DNAH9: variants seen among roughly 807,000 people sequenced by gnomAD.
DNAH9 encodes DNAH9 variant protein.
DNAH9 carries 345 observed loss-of-function variants against 471.6 expected under a neutral mutation model. The ratio of observed to expected loss-of-function variants is 0.73; its 90% confidence interval spans 0.67 to 0.80. DNAH9 has a LOEUF of 0.80. Ranked by LOEUF, DNAH9 falls within the 30% of genes least tolerant of loss-of-function variation. The pLI, the probability that DNAH9 is intolerant of heterozygous loss-of-function variation, is 0.00. For missense variants in DNAH9, 5,407 were observed against 5,609.2 expected (o/e 0.96, Z 1.15); for synonymous variants, 2,093 against 2,123.6 (o/e 0.99, Z 0.40).
chr17:11,937,299 G>A lies in DNAH9; in HGVS notation c.12490-53G>A, dbSNP rs72815452. The A allele has an allele frequency of 0.093, 144,437 of 1,554,154 alleles. 7,275 individuals carry two copies. The highest frequency in any genetic ancestry group is 0.11 in the East Asian group (4,924 of 44,256). ...CTGCAGAGGACAAGCCGGTGTGGGA[G>A]ATGGGAGGTACGTCCTGGTTTCTTT... On this transcript the variant is annotated intron_variant, in intron 65 of 68. Coordinates refer to ENST00000262442, the MANE Select transcript of DNAH9 (RefSeq NM_001372.4). This position sits in a 1 kb window ranked among gnomAD's most constrained non-coding sequence, Gnocchi z 4.1.
intron 58 of DNAH9, 23 bp downstream of exon 58, chr17:11,891,970 T>A: frequency 6.2e-7 from 1 of 1,608,150 alleles, no homozygotes; most frequent in Non-Finnish European, 8.5e-7. Flanking sequence ...TGAAGAAGTT[T>A]CCAGAAAACA....
At chr17:11,886,496 T>C (rs1414481150) in intron 56 of DNAH9, among the ~76,000 whole-genome samples, 1 of 151,442 alleles carries the variant, frequency 6.6e-6, no homozygotes, top group East Asian at 1.9e-4. Context: ...TAGTTCATTT[T>C]TGAGTCATAC....
rs542930191 is a variant in DNAH9 at position 11,905,769 on chromosome 17, G to C, written c.11709G>C (p.Leu3903=). The change falls in exon 61 of 69, where the codon CTG becomes CTC. Residue 3903 remains leucine, a synonymous_variant. Transcript: ENST00000262442. The part of the protein sequence containing the change: ...SGPATPMFFI[L]SPGVDPLKDV... ...CAGCCACTCCTATGTTTTTCATCCT[G>C]TCTCCAGGGGTGGACCCACTGAAGG... 1 of 1,613,946 alleles carries C rather than the reference G, an allele frequency of 6.2e-7. No individual in the cohort carries two copies. The highest frequency in any genetic ancestry group is 2.2e-5 in the East Asian group (1 of 44,866).
chr17:11,655,622 C>G (rs2073625968), intron 14 of DNAH9, among the ~76,000 whole-genome samples: 1 of 150,842 alleles, frequency 6.6e-6, no homozygotes, highest in African/African-American at 2.4e-5. Flanking sequence ...TATATACACA[C>G]ACACACACAC....
intron 65 of DNAH9, among the ~76,000 whole-genome samples, chr17:11,934,695 G>A (rs887652263): frequency 9.2e-5 from 14 of 151,998 alleles, no homozygotes; most frequent in East Asian, 3.9e-4. Context: ...CTCGTGATCC[G>A]CCCACCTGGG....
chr17:11,650,300 T>C (rs1353785860), intron 12 of DNAH9, among the ~76,000 whole-genome samples: 1 of 152,144 alleles, frequency 6.6e-6, no homozygotes, highest in East Asian at 1.9e-4. Flanking sequence ...CTTGTACCTA[T>C]GCCCATCAGT....
Position 11,699,206 on chromosome 17 carries a change from G to A in DNAH9, c.4873-525G>A, listed in dbSNP as rs537352629. Reference sequence around the variant, plus strand: ...GGAGGTTGCAGTGAGCCAAGATTGCGCCACTGCACTCCAGCCTGGGCGACA... The same window carrying A: ...GGAGGTTGCAGTGAGCCAAGATTGCACCACTGCACTCCAGCCTGGGCGACA... On this transcript the variant is annotated intron_variant, in intron 22 of 68. Coordinates refer to ENST00000262442, the MANE Select transcript of DNAH9 (RefSeq NM_001372.4). 3.3e-5 allele frequency among the ~76,000 whole-genome samples: 5 copies of A among 152,136 alleles called. No individual in the cohort carries two copies. The East Asian group carries it at 7.8e-4, about 24-fold the overall frequency.
intron 61 of DNAH9, among the ~76,000 whole-genome samples, chr17:11,907,199 G>C (rs1253834084): frequency 6.6e-6 from 1 of 152,064 alleles, no homozygotes; most frequent in Admixed American, 6.6e-5. Flanking sequence ...GGCCGGGCAC[G>C]GTGGCTCACG....
intron 8 of DNAH9, among the ~76,000 whole-genome samples, chr17:11,634,348 T>G (rs1051756170): frequency 1.3e-5 from 2 of 152,126 alleles, no homozygotes; most frequent in South Asian, 4.1e-4. Flanking sequence ...AGAAGAACAT[T>G]TTCAAGGCTG....
At position 11,898,856 on chromosome 17, in the gene DNAH9, A is replaced by C. The variant is rs80015156; in HGVS notation, c.11407-3863A>C. ...CAAAAGCTACGTACAATTTAGTTTC[A>C]TTCCTCTTTTCACGAAATGGATTGT... On this transcript the variant is annotated intron_variant, in intron 59 of 68. Coordinates refer to ENST00000262442, the MANE Select transcript of DNAH9 (RefSeq NM_001372.4). Among the ~76,000 whole-genome samples the C allele has an allele frequency of 6.7e-3, 1,024 of 152,308 alleles. 6 individuals carry two copies. Among genetic ancestry groups the C allele is most frequent in the African/African-American group, 0.023 (954 of 41,564 alleles).
At chr17:11,604,395 C>A (rs1308350677) in intron 1 of DNAH9, among the ~76,000 whole-genome samples, 1 of 152,034 alleles carries the variant, frequency 6.6e-6, no homozygotes, top group Non-Finnish European at 1.5e-5. Context: ...CTATATACAC[C>A]CATTTTCTTG....
chr17:11,807,102 C>A (rs1311658815), intron 43 of DNAH9, among the ~76,000 whole-genome samples: 4 of 152,060 alleles, frequency 2.6e-5, no homozygotes, highest in African/African-American at 7.2e-5. Flanking sequence ...AGGGAGGAAT[C>A]CAGAAGCCAG....
At chr17:11,748,910 C>A (rs567649365) in intron 32 of DNAH9, among the ~76,000 whole-genome samples, 13 of 152,006 alleles carry the variant, frequency 8.6e-5, no homozygotes, top group Non-Finnish European at 1.6e-4. Flanking sequence ...AATTTAGGAG[C>A]TTTCATCTGA....
chr17:11,694,459 G>A lies in DNAH9; in HGVS notation c.4872+12G>A, dbSNP rs1252102387. The stretch of plus-strand genomic sequence containing the variant: ...CAGCTCCACAACAGGTAAGCTGGAG[G>A]AGCATCTGCAGAAAGGTCTAGGAGG... On this transcript the variant is annotated intron_variant, in intron 22 of 68. Coordinates refer to ENST00000262442, the MANE Select transcript of DNAH9 (RefSeq NM_001372.4). 6.2e-7 allele frequency: 1 copy of A among 1,613,224 alleles called. No individual in the cohort carries two copies.
Position 11,969,720 on chromosome 17 carries a change from G to C in DNAH9, c.*193G>C. 3.5e-6 allele frequency: 2 copies of C among 576,336 alleles called. No homozygotes were observed. Among genetic ancestry groups the C allele is most frequent in the South Asian group, 2.1e-5 (1 of 46,772 alleles). The allele number at this position is 576,336 out of a possible 1,614,324, so 35.7% of individuals were successfully genotyped here. On this transcript the variant is annotated 3_prime_UTR_variant, in exon 69 of 69. Coordinates refer to ENST00000262442, the MANE Select transcript of DNAH9 (RefSeq NM_001372.4). ...CTGAGCTGAAGGAATGTGGGCCCAG[G>C]TTTCTTAATAAAATGATTTACTCTT... is the stretch of plus-strand genomic sequence containing the variant.
intron 67 of DNAH9, among the ~76,000 whole-genome samples, chr17:11,957,987 C>T (rs1446414682): frequency 2.0e-5 from 3 of 152,082 alleles, no homozygotes; most frequent in Admixed American, 6.5e-5. Flanking sequence ...CAGCATTATT[C>T]GTAACTGCCA....
intron 19 of DNAH9, among the ~76,000 whole-genome samples, chr17:11,682,977 G>A (rs1377601909): frequency 6.6e-6 from 1 of 152,124 alleles, no homozygotes; most frequent in Non-Finnish European, 1.5e-5. Flanking sequence ...AGAGTCTGAG[G>A]CTTATTCTTC....
At chr17:11,877,416 T>C (rs868866590) in intron 53 of DNAH9, among the ~76,000 whole-genome samples, 3 of 131,806 alleles carry the variant, frequency 2.3e-5, no homozygotes, top group Non-Finnish European at 3.1e-5. Context: ...GAGGTTGCAG[T>C]GAGCCGAGAT....
At chr17:11,697,400 C>A (rs114733102) in intron 22 of DNAH9, among the ~76,000 whole-genome samples, 3,330 of 152,038 alleles carry the variant, frequency 0.022, 118 homozygotes, top group African/African-American at 0.075. Flanking sequence ...CTGAGGCCTG[C>A]CTGCTTTAAA....
Sources: gnomAD v4.1 joint callset for allele counts (sites outside exome capture counted in the v4.1 genomes callset) on GRCh38, gnomAD v4.1.1 for gene constraint, Gnocchi (gnomAD v3.1) non-coding constraint, MANE v1.5 for transcripts, NCBI Gene and HGNC (gene_info 2026-07-23, HGNC 2026-07-21) for gene names.